The following ROBO2 variants were observed in gnomAD, a reference collection of about 807,000 sequenced individuals.
ROBO2 encodes roundabout homolog 2.
ROBO2 carries 53 observed loss-of-function variants against 160.8 expected under a neutral mutation model. The observed-to-expected ratio is 0.33, with a 90% confidence interval of 0.26 to 0.41. ROBO2 has a LOEUF of 0.41. ROBO2 is among the 10% of genes least tolerant of loss of function. The pLI is 1.00. For missense variants in ROBO2, 1,577 were observed against 1,722.4 expected (o/e 0.92, Z 1.49); for synonymous variants, 664 against 611.7 (o/e 1.09, Z -1.26).
At chr3:77,205,078 T>G (rs1413285096) in intron 2 of ROBO2, among the ~76,000 whole-genome samples, 2 of 152,158 alleles carry the variant, frequency 1.3e-5, no homozygotes, top group African/African-American at 2.4e-5. Context: ...GCTCCAGTGT[T>G]GCAATGCTCT....
intron 2 of ROBO2, among the ~76,000 whole-genome samples, chr3:76,954,203 G>C (rs1577795097): frequency 6.6e-6 from 1 of 152,100 alleles, no homozygotes; most frequent in Non-Finnish European, 1.5e-5. Flanking sequence ...CTAAGCATAG[G>C]GAAGTGTACC....
At chr3:76,125,702 G>T (rs2108310342) in intron 2 of ROBO2, among the ~76,000 whole-genome samples, 1 of 151,976 alleles carries the variant, frequency 6.6e-6, no homozygotes, top group African/African-American at 2.4e-5. Context: ...AGGTCTTTCT[G>T]GGCCCCATAC....
At chr3:77,377,219 T>C (rs1252776458) in intron 2 of ROBO2, among the ~76,000 whole-genome samples, 2 of 152,184 alleles carry the variant, frequency 1.3e-5, no homozygotes, top group Non-Finnish European at 2.9e-5. Flanking sequence ...AGGAATAAAA[T>C]TCAAAATTCA....
chr3:77,174,858 A>C (rs1490731369), intron 2 of ROBO2, among the ~76,000 whole-genome samples: 1 of 152,058 alleles, frequency 6.6e-6, no homozygotes, highest in Non-Finnish European at 1.5e-5. Flanking sequence ...GGAGAAAAGG[A>C]ATTATGTTTA....
At chr3:76,149,396 A>C (rs908812283) in intron 2 of ROBO2, among the ~76,000 whole-genome samples, 2 of 152,120 alleles carry the variant, frequency 1.3e-5, no homozygotes, top group Non-Finnish European at 2.9e-5. Context: ...TTTGATCTAA[A>C]CCAGGTTACC....
chr3:77,502,388 CAAAT>C (rs2087748198), intron 5 of ROBO2, among the ~76,000 whole-genome samples: 1 of 152,028 alleles, frequency 6.6e-6, no homozygotes, highest in South Asian at 2.1e-4. Flanking sequence ...TTTATTATGT[CAAAT>C]AAAGAAGTTT....
intron 2 of ROBO2, among the ~76,000 whole-genome samples, chr3:76,339,182 T>C (rs1015085194): frequency 2.0e-5 from 3 of 152,148 alleles, no homozygotes; most frequent in Non-Finnish European, 2.9e-5. Context: ...ATTTTTATGA[T>C]CTGAATGGCA....
Position 76,647,024 on chromosome 3 carries a change from C to G in ROBO2, c.110-450990C>G, listed in dbSNP as rs143530272. ...AACTCAGACCTCAGAAAAGGGCACA[C>G]GCTTGCCTAGGACTAGAGACTCTGA... On this transcript the variant is annotated intron_variant, in intron 2 of 26. Coordinates refer to the ROBO2 transcript ENST00000487694. Among the ~76,000 whole-genome samples the G allele has an allele frequency of 3.3e-5, 5 of 152,030 alleles. No individual in the cohort carries two copies. The East Asian group carries it at 9.6e-4, about 29-fold the overall frequency.
chr3:76,546,714 C>A (rs1229611903), intron 2 of ROBO2, among the ~76,000 whole-genome samples: 1 of 151,936 alleles, frequency 6.6e-6, no homozygotes, highest in Non-Finnish European at 1.5e-5. Context: ...ATGTTACCCA[C>A]CTCTACATGA....
chr3:76,160,541 C>T (rs2072586830), intron 2 of ROBO2, among the ~76,000 whole-genome samples: 1 of 152,176 alleles, frequency 6.6e-6, no homozygotes, highest in African/African-American at 2.4e-5. Flanking sequence ...GCTTCATCTT[C>T]ATCGCTGTGT....
chr3:76,784,556 C>T (rs998831336), intron 2 of ROBO2, among the ~76,000 whole-genome samples: 2 of 151,136 alleles, frequency 1.3e-5, no homozygotes, highest in Non-Finnish European at 3.0e-5. Context: ...CAAGATAGCT[C>T]ATATGTGTTA....
intron 2 of ROBO2, among the ~76,000 whole-genome samples, chr3:76,745,260 T>C (rs996938183): frequency 3.3e-5 from 5 of 152,166 alleles, no homozygotes; most frequent in African/African-American, 1.2e-4. Context: ...AAATAGTTAC[T>C]GAAAACTCGA....
At chr3:77,377,602 T>A (rs1230947529) in intron 2 of ROBO2, among the ~76,000 whole-genome samples, 1 of 152,182 alleles carries the variant, frequency 6.6e-6, no homozygotes, top group Non-Finnish European at 1.5e-5. Context: ...TACACACAAG[T>A]CAATAATGTC....
intron 2 of ROBO2, among the ~76,000 whole-genome samples, chr3:77,253,055 G>T (rs935908138): frequency 1.3e-5 from 2 of 151,748 alleles, no homozygotes; most frequent in African/African-American, 4.8e-5. Context: ...AGAGAACTAG[G>T]AAGTGTTCTA....
At chr3:76,651,874 C>G (rs757355277) in intron 2 of ROBO2, among the ~76,000 whole-genome samples, 10 of 152,152 alleles carry the variant, frequency 6.6e-5, no homozygotes, top group Non-Finnish European at 1.3e-4. Context: ...CTCTTGCTCA[C>G]AAGTGTACCT....
chr3:76,040,607 T>C (rs557755045), intron 2 of ROBO2, among the ~76,000 whole-genome samples: 1 of 152,086 alleles, frequency 6.6e-6, no homozygotes, highest in Non-Finnish European at 1.5e-5. Context: ...CTTTGCCAAA[T>C]GTTTCAATAC....
chr3:76,319,119 G>C (rs1432748854), intron 2 of ROBO2, among the ~76,000 whole-genome samples: 2 of 152,074 alleles, frequency 1.3e-5, no homozygotes, highest in African/African-American at 2.4e-5. Flanking sequence ...ATGGCCCCAT[G>C]AAAAGTTATC....
intron 2 of ROBO2, among the ~76,000 whole-genome samples, chr3:77,378,189 T>C (rs1458839286): frequency 6.6e-6 from 1 of 152,176 alleles, no homozygotes; most frequent in Non-Finnish European, 1.5e-5. Context: ...TTTTTGAAAA[T>C]TACCATTGTC....
Position 76,379,694 on chromosome 3 carries a change from G to A in ROBO2, c.109+442092G>A, listed in dbSNP as rs13100851. 2.8e-3 allele frequency among the ~76,000 whole-genome samples: 423 copies of A among 152,042 alleles called. 3 individuals are homozygous for A. Among genetic ancestry groups the A allele is most frequent in the Non-Finnish European group, 5.0e-3 (342 of 67,984 alleles). On this transcript the variant is annotated intron_variant, in intron 2 of 26. Transcript: ENST00000487694. ...ATAATTGCAAGTAGTTTTTTTAAACGTGAACTTTATGACAAAACTTTAAAA... is the reference window on the plus strand; with the variant it reads ...ATAATTGCAAGTAGTTTTTTTAAACATGAACTTTATGACAAAACTTTAAAA...
Sources: gnomAD v4.1 joint callset for allele counts (sites outside exome capture counted in the v4.1 genomes callset) on GRCh38, gnomAD v4.1.1 for gene constraint, MANE v1.5 for transcripts, NCBI Gene and HGNC (gene_info 2026-07-23, HGNC 2026-07-21) for gene names.